PRKD1: variants seen among roughly 807,000 people sequenced by gnomAD.
The protein encoded by PRKD1 is serine/threonine-protein kinase D1.
In PRKD1, 63 loss-of-function variants were observed where a neutral mutation model predicts 95.9. That is an observed-to-expected ratio of 0.66 (90% CI 0.54 to 0.81). PRKD1 has a LOEUF of 0.81. PRKD1 is among the 30% of genes least tolerant of loss of function. The probability of loss-of-function intolerance (pLI) is 0.00; values close to 1 mark genes in which losing one functional copy is unlikely to be tolerated. For missense variants in PRKD1, 1,048 were observed against 1,165.3 expected (o/e 0.90, Z 1.47); for synonymous variants, 425 against 423.1 (o/e 1.00, Z -0.05).
At chr14:29,922,628 A>T (rs1895159715) in intron 1 of PRKD1, among the ~76,000 whole-genome samples, 1 of 152,130 alleles carries the variant, frequency 6.6e-6, no homozygotes, top group East Asian at 1.9e-4. Flanking sequence ...TCATGCCTGC[A>T]ATCCCAGCAC....
In PRKD1 at chr14:29,868,796, TAGGCAC is replaced by T. The variant is rs45538636; in HGVS notation, c.264+58447_264+58452del. 7.9e-5 allele frequency among the ~76,000 whole-genome samples: 12 copies of T among 152,336 alleles called. No individual in the cohort carries two copies. In the East Asian group the frequency reaches 1.9e-3, roughly 24 times the overall value. On this transcript the variant is annotated intron_variant, in intron 1 of 17. Coordinates refer to ENST00000331968, the MANE Select transcript of PRKD1 (RefSeq NM_002742.3). ...ATGTTTTCATGGAACAATGAAACACTAGGCACAGTAATATCAAGTTATTATTCTAGT... is the reference window on the plus strand; with the variant it reads ...ATGTTTTCATGGAACAATGAAACACTAGTAATATCAAGTTATTATTCTAGT...
intron 1 of PRKD1, among the ~76,000 whole-genome samples, chr14:29,730,117 T>C (rs992750881): frequency 2.6e-4 from 40 of 151,926 alleles, no homozygotes; most frequent in African/African-American, 9.7e-4. Flanking sequence ...AACAACTCAA[T>C]AGCAAGAAAA....
At chr14:29,740,068 T>C (rs1886917253) in intron 1 of PRKD1, among the ~76,000 whole-genome samples, 1 of 152,208 alleles carries the variant, frequency 6.6e-6, no homozygotes, top group Admixed American at 6.5e-5. Flanking sequence ...ACATATTATC[T>C]TGCATTATAC....
intron 1 of PRKD1, among the ~76,000 whole-genome samples, chr14:29,847,176 C>T (rs1892110287): frequency 6.6e-6 from 1 of 152,118 alleles, no homozygotes; most frequent in Non-Finnish European, 1.5e-5. Flanking sequence ...TCAACCCACC[C>T]TCCTTCATTC....
intron 2 of PRKD1, among the ~76,000 whole-genome samples, chr14:29,699,843 A>C (rs540446037): frequency 4.7e-4 from 72 of 152,276 alleles, no homozygotes; most frequent in African/African-American, 1.7e-3. Context: ...CTCTTTCTGG[A>C]GGCTACAGAT....
chr14:29,818,474 A>C (rs926030148), intron 1 of PRKD1, among the ~76,000 whole-genome samples: 2 of 152,150 alleles, frequency 1.3e-5, no homozygotes, highest in Admixed American at 6.5e-5. Context: ...CCTGTAGTCA[A>C]AATTGTGCAC....
chr14:29,656,486 G>C (rs1335376399), intron 4 of PRKD1: 3 of 1,535,652 alleles, frequency 2.0e-6, no homozygotes, highest in Non-Finnish European at 2.6e-6. Flanking sequence ...CTCAAAGCCA[G>C]GACTCACAGG....
At chr14:29,920,394 A>T (rs1895059165) in intron 1 of PRKD1, among the ~76,000 whole-genome samples, 1 of 152,162 alleles carries the variant, frequency 6.6e-6, no homozygotes, top group African/African-American at 2.4e-5. Flanking sequence ...TCAGAGGTCA[A>T]AGATTACCCT....
At chr14:29,803,963 C>T (rs911411800) in intron 1 of PRKD1, among the ~76,000 whole-genome samples, 65 of 152,020 alleles carry the variant, frequency 4.3e-4, no homozygotes, top group Admixed American at 1.3e-3. Context: ...TGTATGCGGC[C>T]GGGTGCAGTG....
chr14:29,818,586 C>T (rs186990235), intron 1 of PRKD1, among the ~76,000 whole-genome samples: 183 of 143,626 alleles, frequency 1.3e-3, no homozygotes, highest in African/African-American at 4.5e-3. Context: ...TGGCATTTAA[C>T]ATTTCAAAAC....
At chr14:29,605,116 C>T (rs994639210) in intron 13 of PRKD1, among the ~76,000 whole-genome samples, 3 of 152,058 alleles carry the variant, frequency 2.0e-5, no homozygotes, top group Non-Finnish European at 4.4e-5. Context: ...TGCCTTGGTT[C>T]GAGCCCTCAT....
intron 2 of PRKD1, among the ~76,000 whole-genome samples, chr14:29,666,704 G>C (rs1027215303): frequency 1.3e-5 from 2 of 152,054 alleles, no homozygotes; most frequent in African/African-American, 4.8e-5. Context: ...AATATGAGTG[G>C]CTTCCTTATA....
At chr14:29,743,712 G>A (rs1887087137) in intron 1 of PRKD1, among the ~76,000 whole-genome samples, 1 of 152,170 alleles carries the variant, frequency 6.6e-6, no homozygotes. Flanking sequence ...ATCGACTCCA[G>A]GCAGGCTGTC....
intron 1 of PRKD1, among the ~76,000 whole-genome samples, chr14:29,924,086 C>A (rs756055106): frequency 6.6e-6 from 1 of 152,082 alleles, no homozygotes; most frequent in Non-Finnish European, 1.5e-5. Context: ...CAGGCTTCAA[C>A]GTCACACACT....
chr14:29,824,718 C>T (rs1891043978), intron 1 of PRKD1, among the ~76,000 whole-genome samples: 1 of 152,090 alleles, frequency 6.6e-6, no homozygotes, highest in Non-Finnish European at 1.5e-5. Flanking sequence ...CTATCAGATA[C>T]CCTGTTAAAT....
In PRKD1 at chr14:29,826,447, CATATATATGATGGAATATATATACAT is replaced by C. The variant is rs2139281133; in HGVS notation, c.264+100776_265-100774del. On this transcript the variant is annotated intron_variant, in intron 1 of 17. Coordinates refer to ENST00000331968, the MANE Select transcript of PRKD1 (RefSeq NM_002742.3). ...ACATATATGATGGAATATATATATA[CATATATATGATGGAATATATATACAT>C]ATATATGATGGAATATATGTATACA... Among the ~76,000 whole-genome samples, 3 of 61,922 alleles carry C rather than the reference CATATATATGATGGAATATATATACAT, an allele frequency of 4.8e-5. 1 individual carries two copies. Among genetic ancestry groups the C allele is most frequent in the South Asian group, 5.5e-4 (1 of 1,820 alleles). 40.6% of individuals were successfully genotyped at this position (61,922 alleles called of 152,430 possible). A position where few individuals can be genotyped will look rare whatever the true frequency, so the allele number is the denominator to read the frequency against.
intron 11 of PRKD1, 133 bp from the exon 12 acceptor site, chr14:29,626,689 T>C: frequency 2.6e-6 from 1 of 380,556 alleles, no homozygotes. Context: ...AGATGAAATC[T>C]GAGATGACTG....
intron 13 of PRKD1, among the ~76,000 whole-genome samples, chr14:29,608,653 A>G (rs1191690579): frequency 6.6e-6 from 1 of 152,124 alleles, no homozygotes; most frequent in East Asian, 1.9e-4. Context: ...ATTTGCTATC[A>G]TGGGGTACCT....
chr14:29,776,480 A>G (rs909568170), intron 1 of PRKD1, among the ~76,000 whole-genome samples: 6 of 152,316 alleles, frequency 3.9e-5, no homozygotes, highest in African/African-American at 1.4e-4. Context: ...ACCATGGCAC[A>G]AGAACTACGG....
Sources: allele counts gnomAD v4.1 joint callset (sites outside exome capture counted in the v4.1 genomes callset), GRCh38; gene constraint gnomAD v4.1.1; transcripts MANE v1.5; gene names NCBI Gene and HGNC (gene_info 2026-07-23, HGNC 2026-07-21).